The following GRID2 variants were observed in gnomAD, a reference collection of about 807,000 sequenced individuals.
GRID2 encodes the protein glutamate receptor ionotropic, delta-2.
Under a neutral mutation model 114.8 loss-of-function variants are expected in GRID2, and 33 were observed. The observed-to-expected ratio is 0.29, with a 90% CI of 0.22 to 0.38. The LOEUF is 0.38. GRID2 is among the 10% of genes least tolerant of loss of function. The pLI is 1.00. For synonymous variants in GRID2, 505 were observed against 449.9 expected, an observed-to-expected ratio of 1.12 and a Z score of -1.55; for missense variants, 1,184 against 1,257.7, an observed-to-expected ratio of 0.94 and a Z score of 0.89.
intron 2 of GRID2, among the ~76,000 whole-genome samples, chr4:92,606,970 G>A (rs957841195): frequency 2.0e-5 from 3 of 151,940 alleles, no homozygotes; most frequent in Non-Finnish European, 1.5e-5. Context: ...TTGCAGCAAA[G>A]GTCGACATGA....
At chr4:93,148,061 A>G (rs1316637074) in intron 4 of GRID2, among the ~76,000 whole-genome samples, 1 of 152,210 alleles carries the variant, frequency 6.6e-6, no homozygotes, top group African/African-American at 2.4e-5. Context: ...AGTGGTTGCT[A>G]TCTTTTGTTT....
chr4:92,914,342 C>A (rs1748623199), intron 2 of GRID2, among the ~76,000 whole-genome samples: 1 of 152,016 alleles, frequency 6.6e-6, no homozygotes, highest in African/African-American at 2.4e-5. Flanking sequence ...CCCTCTTATA[C>A]TATGTTTTTA....
chr4:93,012,802 A>G (rs998604121), intron 2 of GRID2, among the ~76,000 whole-genome samples: 9 of 152,102 alleles, frequency 5.9e-5, no homozygotes, highest in African/African-American at 1.9e-4. Context: ...ATGGAGAAAT[A>G]AAAACTTACT....
intron 2 of GRID2, among the ~76,000 whole-genome samples, chr4:93,063,455 C>A (rs562494343): frequency 6.6e-6 from 1 of 151,834 alleles, no homozygotes; most frequent in African/African-American, 2.4e-5. Flanking sequence ...TTTCTCCTAA[C>A]TCCTTGTGAA....
At chr4:92,660,430 G>A (rs1173721545) in intron 2 of GRID2, among the ~76,000 whole-genome samples, 1 of 151,116 alleles carries the variant, frequency 6.6e-6, no homozygotes, top group African/African-American at 2.4e-5. Flanking sequence ...GCTCTTGCTT[G>A]GATTTACATA....
intron 1 of GRID2, among the ~76,000 whole-genome samples, chr4:92,528,843 T>G (rs1318752622): frequency 2.2e-5 from 3 of 138,280 alleles, no homozygotes; most frequent in African/African-American, 5.6e-5. Context: ...AAAAAAAAAG[T>G]CTTGCAGAAA....
At chr4:92,537,631 T>C in intron 1 of GRID2, among the ~76,000 whole-genome samples, 1 of 152,222 alleles carries the variant, frequency 6.6e-6, no homozygotes, top group African/African-American at 2.4e-5. Flanking sequence ...TGAGTAATTA[T>C]GTTTTAATAG....
At chr4:93,009,300 A>G (rs891871242) in intron 2 of GRID2, among the ~76,000 whole-genome samples, 3 of 152,114 alleles carry the variant, frequency 2.0e-5, no homozygotes, top group African/African-American at 4.8e-5. Context: ...CTACACTGCT[A>G]TCACTCTGAA....
chr4:92,678,143 C>T (rs972170738), intron 2 of GRID2, among the ~76,000 whole-genome samples: 1 of 152,034 alleles, frequency 6.6e-6, no homozygotes, highest in African/African-American at 2.4e-5. Flanking sequence ...TCAAATTTTA[C>T]CTTTTTAATT....
chr4:93,575,684 G>C (rs182110923), intron 13 of GRID2, among the ~76,000 whole-genome samples: 4 of 152,182 alleles, frequency 2.6e-5, no homozygotes, highest in Admixed American at 1.3e-4. Flanking sequence ...TTAAATGTTA[G>C]TGTTATATTT....
At chr4:93,005,413 T>C (rs1254525622) in intron 2 of GRID2, among the ~76,000 whole-genome samples, 1 of 152,064 alleles carries the variant, frequency 6.6e-6, no homozygotes, top group Non-Finnish European at 1.5e-5. Flanking sequence ...CTTTGTAGTA[T>C]GTCACTTAGA....
chr4:92,576,996 A>G (rs1727926795), intron 1 of GRID2, among the ~76,000 whole-genome samples: 1 of 152,212 alleles, frequency 6.6e-6, no homozygotes, highest in South Asian at 2.1e-4. Context: ...CAGTTCAGAC[A>G]TCTTTCTCTT....
intron 2 of GRID2, among the ~76,000 whole-genome samples, chr4:92,834,880 GA>G (rs1201470416): frequency 2.0e-5 from 3 of 152,056 alleles, no homozygotes; most frequent in African/African-American, 7.2e-5. Context: ...CTGGGAATGA[GA>G]TTTAATAAAA....
intron 2 of GRID2, among the ~76,000 whole-genome samples, chr4:92,948,518 C>G (rs184434127): frequency 3.8e-4 from 58 of 151,654 alleles, no homozygotes; most frequent in African/African-American, 1.3e-3. Context: ...TTTTTCTCTT[C>G]TACTTTGTAT....
intron 2 of GRID2, among the ~76,000 whole-genome samples, chr4:92,848,599 A>T (rs2149419369): frequency 6.6e-6 from 1 of 151,912 alleles, no homozygotes; most frequent in Admixed American, 6.6e-5. Flanking sequence ...TTGTTCTAAT[A>T]CCCACACCTG....
chr4:92,731,231 A>ATTT lies in GRID2; in HGVS notation c.244+140954_244+140956dup, dbSNP rs35176432. ...TCTAGCTAATTTTAGACAATAAGTG[A>ATTT]TTTTTTTTTTTCTTTCTTTCTTTCT... On this transcript the variant is annotated intron_variant, in intron 2 of 15. Coordinates refer to ENST00000282020, the MANE Select transcript of GRID2 (RefSeq NM_001510.4). Among the ~76,000 whole-genome samples, 24 of 149,110 alleles carry ATTT rather than the reference A, an allele frequency of 1.6e-4. No individual in the cohort carries two copies. In the Admixed American group the frequency reaches 1.6e-3, roughly 10 times the overall value.
chr4:92,472,279 AT>A (rs923121743), intron 1 of GRID2, among the ~76,000 whole-genome samples: 10 of 152,246 alleles, frequency 6.6e-5, no homozygotes, highest in African/African-American at 2.4e-4. Flanking sequence ...CTTGTTATAA[AT>A]TTATACTATT....
intron 1 of GRID2, among the ~76,000 whole-genome samples, chr4:93,789,832 C>T (rs888037385): frequency 9.9e-5 from 15 of 152,138 alleles, no homozygotes; most frequent in Non-Finnish European, 1.0e-4. Context: ...CCCCAATCCC[C>T]GGGCCATGGG....
rs760065784 is a variant in GRID2 at position 93,110,958 on chromosome 4, G to A, written c.735+5G>A. On this transcript the variant is annotated splice_donor_5th_base_variant and intron_variant, in intron 4 of 15. Coordinates refer to ENST00000282020, the MANE Select transcript of GRID2 (RefSeq NM_001510.4). ...GCCAAATCCTTCATTACTGAGGTAAGTGAAAATTGTCTTGGGGTGAGAGTT... is the reference window on the plus strand; with the variant it reads ...GCCAAATCCTTCATTACTGAGGTAAATGAAAATTGTCTTGGGGTGAGAGTT... 1 of 1,581,852 alleles carries A rather than the reference G, an allele frequency of 6.3e-7. No homozygotes were observed. Among genetic ancestry groups the A allele is most frequent in the Non-Finnish European group, 8.7e-7 (1 of 1,150,582 alleles).
Sources: gnomAD v4.1 joint callset for allele counts (sites outside exome capture counted in the v4.1 genomes callset) on GRCh38, gnomAD v4.1.1 for gene constraint, MANE v1.5 for transcripts, NCBI Gene and HGNC (gene_info 2026-07-23, HGNC 2026-07-21) for gene names.